The following SMIM23 variants were observed in gnomAD, a reference collection of about 807,000 sequenced individuals.
SMIM23 encodes the protein CTB-78H18.1.
Under a neutral mutation model 12.8 loss-of-function variants are expected in SMIM23, and 10 were observed. That is an observed-to-expected ratio of 0.78 (90% CI 0.48 to 1.32). The LOEUF is 1.32. Ranked by LOEUF, SMIM23 falls within the 40% of genes most tolerant of loss-of-function variation. The probability of loss-of-function intolerance (pLI) is 0.00; values close to 1 mark genes in which losing one functional copy is unlikely to be tolerated. For missense variants in SMIM23, 184 were observed against 198.2 expected (o/e 0.93, Z 0.43); for synonymous variants, 78 against 80.1 (o/e 0.97, Z 0.14).
upstream of SMIM23, among the ~76,000 whole-genome samples, chr5:171,785,701 G>A (rs960184268): frequency 6.6e-6 from 1 of 152,160 alleles, no homozygotes; most frequent in East Asian, 1.9e-4. Context: ...ATAAAAATGA[G>A]GGAAGGGACT....
chr5:171,780,280 A>G (rs1755705578), upstream of SMIM23, among the ~76,000 whole-genome samples: 2 of 152,054 alleles, frequency 1.3e-5, no homozygotes, highest in African/African-American at 4.8e-5. Context: ...CCTCCTTCAA[A>G]GGCCTCTCTC....
chr5:171,778,896 C>T (rs254915), upstream of SMIM23, among the ~76,000 whole-genome samples: 5,504 of 152,228 alleles, frequency 0.036, 328 homozygotes, highest in African/African-American at 0.13. Context: ...ATGGTCCCAA[C>T]GGCTATTCTT....
upstream of SMIM23, among the ~76,000 whole-genome samples, chr5:171,779,600 C>T (rs560209909): frequency 1.1e-3 from 164 of 152,292 alleles, no homozygotes; most frequent in Non-Finnish European, 1.9e-3. Flanking sequence ...CTCTTCCTTC[C>T]ATAGTCCCCA....
intron 2 of SMIM23, 90 bp from the exon 3 acceptor site, chr5:171,790,392 C>A: frequency 6.7e-7 from 1 of 1,498,884 alleles, no homozygotes; most frequent in Non-Finnish European, 9.0e-7. Context: ...CCTTCTCCCA[C>A]TGACCCTTCA....
chr5:171,790,359 G>A (rs1158979788), intron 2 of SMIM23, 78 bp downstream of exon 2: 1 of 1,517,504 alleles, frequency 6.6e-7, no homozygotes, highest in Non-Finnish European at 8.9e-7. Context: ...ATGGTTGTAT[G>A]TTAAGGGGAC....
chr5:171,776,980 A>G, the SMIM23 span, among the ~76,000 whole-genome samples: 2 of 151,324 alleles, frequency 1.3e-5, no homozygotes, highest in Non-Finnish European at 2.9e-5. Context: ...TCTAGACTCC[A>G]TGTCTCCAAG....
the SMIM23 span, among the ~76,000 whole-genome samples, chr5:171,773,081 C>T: frequency 6.6e-6 from 1 of 152,164 alleles, no homozygotes; most frequent in Non-Finnish European, 1.5e-5. Flanking sequence ...GGAGAGCTGG[C>T]CCAGGGAGTA....
upstream of SMIM23, among the ~76,000 whole-genome samples, chr5:171,784,147 G>A (rs1451938449): frequency 6.6e-6 from 1 of 152,112 alleles, no homozygotes; most frequent in African/African-American, 2.4e-5. Flanking sequence ...TTAGCTATCA[G>A]GGAAATACAC....
chr5:171,781,665 GT>G (rs1755730283), upstream of SMIM23, among the ~76,000 whole-genome samples: 1 of 152,104 alleles, frequency 6.6e-6, no homozygotes, highest in Admixed American at 6.5e-5. Context: ...AGCTGCTTTA[GT>G]AATAATAATA....
At chr5:171,788,839 A>G (rs1026009458) in intron 1 of SMIM23, among the ~76,000 whole-genome samples, 64 of 152,100 alleles carry the variant, frequency 4.2e-4, no homozygotes, top group African/African-American at 1.5e-3. Context: ...ACAAACGTGT[A>G]GAAAAAAAAA....
chr5:171,790,330 TTGG>T, intron 2 of SMIM23, 49 bp downstream of exon 2: 1 of 1,529,250 alleles, frequency 6.5e-7, no homozygotes, highest in Non-Finnish European at 8.8e-7. Context: ...CACATGAAGC[TTGG>T]TGGAGTGTTC....
At chr5:171,785,765 A>G (rs1581073251), upstream of SMIM23, 6 of 862,078 alleles carry the variant, frequency 7.0e-6, no homozygotes, top group South Asian at 6.0e-5. Flanking sequence ...CTTCTGTGAC[A>G]TCAGAACTCA....
the SMIM23 span, among the ~76,000 whole-genome samples, chr5:171,775,966 G>A: frequency 6.6e-6 from 1 of 152,172 alleles, no homozygotes; most frequent in African/African-American, 2.4e-5. Context: ...CCACCTCCCG[G>A]GTTCAAGCGA....
chr5:171,780,538 T>C (rs987636193), upstream of SMIM23, among the ~76,000 whole-genome samples: 6 of 152,232 alleles, frequency 3.9e-5, no homozygotes, highest in African/African-American at 1.4e-4. Context: ...CATTACTTTT[T>C]TTGTGTGTGA....
At chr5:171,783,402 C>T (rs568215471), upstream of SMIM23, among the ~76,000 whole-genome samples, 17 of 152,220 alleles carry the variant, frequency 1.1e-4, no homozygotes, top group East Asian at 7.7e-4. Flanking sequence ...TAAGGCTCAC[C>T]GTAAAGCTAC....
chr5:171,777,731 C>G (rs1755664740), upstream of SMIM23, among the ~76,000 whole-genome samples: 1 of 152,244 alleles, frequency 6.6e-6, no homozygotes, highest in African/African-American at 2.4e-5. Context: ...AACTAGGTCT[C>G]CATCTCAGTG....
the SMIM23 span, among the ~76,000 whole-genome samples, chr5:171,776,204 G>A: frequency 1.3e-5 from 2 of 148,438 alleles, no homozygotes; most frequent in Non-Finnish European, 3.0e-5. Flanking sequence ...CCTTACAGAT[G>A]GAAGAACAGA....
upstream of SMIM23, chr5:171,782,779 A>G (rs1001865481): frequency 6.6e-6 from 1 of 152,214 alleles, no homozygotes; most frequent in African/African-American, 2.4e-5. Flanking sequence ...CTGAACATTT[A>G]CTATGTAACG....
At chr5:171,790,329 C>G in intron 2 of SMIM23, 48 bp downstream of exon 2, 1 of 1,528,178 alleles carries the variant, frequency 6.5e-7, no homozygotes, top group East Asian at 2.4e-5. Context: ...CCACATGAAG[C>G]TTGGTGGAGT....
Sources: gnomAD v4.1 joint callset for allele counts (sites outside exome capture counted in the v4.1 genomes callset) on GRCh38, gnomAD v4.1.1 for gene constraint, MANE v1.5 for transcripts, NCBI Gene and HGNC (gene_info 2026-07-23, HGNC 2026-07-21) for gene names.